MAPT: variants seen among roughly 807,000 people sequenced by gnomAD.
The protein encoded by MAPT is microtubule-associated protein tau.
In MAPT, 34 loss-of-function variants were observed where a neutral mutation model predicts 67.9. That is an observed-to-expected ratio of 0.50 (90% CI 0.38 to 0.67). The LOEUF (loss-of-function observed/expected upper bound fraction) is 0.67. Ranked by LOEUF, MAPT falls within the 30% of genes least tolerant of loss-of-function variation. The probability of loss-of-function intolerance (pLI) is 0.00; values close to 1 mark genes in which losing one functional copy is unlikely to be tolerated. For synonymous variants in MAPT, 456 were observed against 464.5 expected (o/e 0.98, Z 0.23); for missense variants, 881 against 1,115.2 (o/e 0.79, Z 2.99).
intron 3 of MAPT, chr17:45,972,741 C>A (rs947266694): frequency 1.9e-5 from 3 of 154,572 alleles, no homozygotes; most frequent in Non-Finnish European, 4.3e-5. Context: ...GGCATCACAT[C>A]TGCCTTTGAA....
At chr17:45,965,425 G>A (rs374736837) in intron 2 of MAPT, among the ~76,000 whole-genome samples, 5 of 149,462 alleles carry the variant, frequency 3.3e-5, no homozygotes, top group African/African-American at 9.8e-5. Flanking sequence ...GTGAGACTCC[G>A]TCCTAAAAAA....
Position 45,930,074 on chromosome 17 carries a change from C to G in MAPT, c.-17-32247C>G, listed in dbSNP as rs1480207123. 2.6e-5 allele frequency among the ~76,000 whole-genome samples: 4 copies of G among 152,182 alleles called. No homozygotes were observed. In the East Asian group the frequency reaches 7.7e-4, roughly 29 times the overall value. On this transcript the variant is annotated intron_variant, in intron 1 of 12. Transcript: ENST00000262410. The stretch of plus-strand genomic sequence containing the variant: ...GCATAAGCCCCACCATGCTTTGGCT[C>G]TGTCCCTATAGAATATTTTATGTTG...
At chr17:45,961,677 G>A (rs62063282) in intron 1 of MAPT, among the ~76,000 whole-genome samples, 21,759 of 152,088 alleles carry the variant, frequency 0.14, 2,127 homozygotes, top group Non-Finnish European at 0.22. Context: ...GCAAACTGCT[G>A]GGCAGCAGCA....
At chr17:45,970,047 C>CCCATCCATCCATCCATCCAT (rs369221637) in intron 2 of MAPT, among the ~76,000 whole-genome samples, 1 of 145,614 alleles carries the variant, frequency 6.9e-6, no homozygotes, top group South Asian at 2.2e-4. Context: ...CATCTATCCA[C>CCCATCCATCCATCCATCCAT]CCATCCATCC....
intron 3 of MAPT, chr17:45,972,184 G>T (rs17651093): frequency 3.0e-6 from 2 of 673,810 alleles, no homozygotes; most frequent in East Asian, 2.9e-5. Flanking sequence ...GGACAGTCCC[G>T]CGCACAGCTC....
At chr17:45,980,954 G>A (rs1358367857) in intron 4 of MAPT, among the ~76,000 whole-genome samples, 1 of 152,220 alleles carries the variant, frequency 6.6e-6, no homozygotes, top group Non-Finnish European at 1.5e-5. Flanking sequence ...CAGTTGATCT[G>A]TGCAGGATCC....
rs750192173 is a variant in MAPT at position 45,983,473 on chromosome 17, C to T, written c.894C>T (p.Asp298=). The change falls in exon 5 of 13, where the codon GAC becomes GAT. Residue 298 remains aspartate, a synonymous_variant. Coordinates refer to ENST00000262410, the MANE Select transcript of MAPT (RefSeq NM_001377265.1). ...AGGAGGAGGTGGATGAAGACCGCGACGTCGATGAGTCCTCCCCCCAAGACT... is the reference window on the plus strand; with the variant it reads ...AGGAGGAGGTGGATGAAGACCGCGATGTCGATGAGTCCTCCCCCCAAGACT... The part of the protein sequence containing the change: ...GSKEEVDEDR[D]VDESSPQDSP... The T allele has an allele frequency of 1.5e-5, 24 of 1,608,564 alleles. No individual in the cohort carries two copies. The highest frequency in any genetic ancestry group is 6.7e-5 in the African/African-American group (5 of 74,812).
chr17:45,927,343 A>C (rs995055542), intron 1 of MAPT, among the ~76,000 whole-genome samples: 1 of 152,160 alleles, frequency 6.6e-6, no homozygotes, highest in Non-Finnish European at 1.5e-5. Flanking sequence ...AGCAGAAGTC[A>C]AGACTCCCAG....
intron 8 of MAPT, among the ~76,000 whole-genome samples, chr17:45,992,808 T>C (rs887364568): frequency 3.3e-5 from 5 of 151,558 alleles, no homozygotes; most frequent in Non-Finnish European, 5.9e-5. Flanking sequence ...GGAGAATCAC[T>C]TGAACCCAGG....
intron 1 of MAPT, among the ~76,000 whole-genome samples, chr17:45,918,837 C>T (rs990034564): frequency 3.3e-5 from 5 of 152,118 alleles, no homozygotes; most frequent in Non-Finnish European, 5.9e-5. Context: ...GCCGGCGGAT[C>T]ACTTGAGGTC....
chr17:45,990,004 T>G lies in MAPT; in HGVS notation c.1534T>G (p.Ser512Ala). The change falls in exon 7 of 13, where the codon TCC becomes GCC. Residue 512 changes from serine (S) to alanine (A), a missense_variant. By Grantham distance (99) the Ser-to-Ala change is moderately conservative. Coordinates refer to ENST00000262410, the MANE Select transcript of MAPT (RefSeq NM_001377265.1). Reference sequence around the variant, plus strand: ...CCCTGCTGTGTGCCCAGAGCCACCTTCCTCTCCTAAATACGTCTCTTCTGT... The same window carrying G: ...CCCTGCTGTGTGCCCAGAGCCACCTGCCTCTCCTAAATACGTCTCTTCTGT... ...SSPAVCPEPP[S>A]SPKYVSSVTS... The G allele has an allele frequency of 6.2e-7, 1 of 1,614,152 alleles. No individual in the cohort carries two copies. The highest frequency in any genetic ancestry group is 1.3e-5 in the African/African-American group (1 of 75,044).
chr17:45,982,555 T>C (rs542993738), intron 4 of MAPT, among the ~76,000 whole-genome samples: 1 of 152,070 alleles, frequency 6.6e-6, no homozygotes, highest in South Asian at 2.1e-4. Flanking sequence ...GAGCCCATCA[T>C]AGGCAGAGGA....
At chr17:45,904,327 T>C (rs1410843567) in intron 1 of MAPT, among the ~76,000 whole-genome samples, 6 of 73,754 alleles carry the variant, frequency 8.1e-5, no homozygotes, top group African/African-American at 3.1e-4. Flanking sequence ...ATATAATATA[T>C]ATTATATATT....
intron 1 of MAPT, among the ~76,000 whole-genome samples, chr17:45,909,016 A>G (rs1227747475): frequency 6.6e-6 from 1 of 152,214 alleles, no homozygotes; most frequent in Admixed American, 6.5e-5. Context: ...AGACAGTATC[A>G]TCAGTCCTGG....
intron 1 of MAPT, among the ~76,000 whole-genome samples, chr17:45,913,103 G>A (rs555437124): frequency 1.3e-5 from 2 of 152,332 alleles, no homozygotes; most frequent in African/African-American, 4.8e-5. Context: ...TGCTGATAAA[G>A]ACATACCCGA....
Position 46,024,863 on chromosome 17 carries a change from G to C in MAPT, c.*692G>C, listed in dbSNP as rs1314143792. 1 of 158,306 alleles carries C rather than the reference G, an allele frequency of 6.3e-6. No homozygotes were observed. Among genetic ancestry groups the C allele is most frequent in the Non-Finnish European group, 1.4e-5 (1 of 71,630 alleles). 9.8% of individuals were successfully genotyped at this position (158,306 alleles called of 1,614,324 possible). Reference sequence around the variant, plus strand: ...AGCGTCTGAGCGGCCGCCTGTCCTTGGTGGCCGGGGGTGGGGGCCTGCTGT... The same window carrying C: ...AGCGTCTGAGCGGCCGCCTGTCCTTCGTGGCCGGGGGTGGGGGCCTGCTGT... On this transcript the variant is annotated 3_prime_UTR_variant, in exon 13 of 13. Transcript: ENST00000262410.
In MAPT at chr17:46,025,163, T is replaced by G. The variant is rs2076752506; in HGVS notation, c.*992T>G. ...TTGGCCACTTTGCAGACCTGGGACTTTAGGGCTAACCAGTTCTCTTTGTAA... is the reference window on the plus strand; with the variant it reads ...TTGGCCACTTTGCAGACCTGGGACTGTAGGGCTAACCAGTTCTCTTTGTAA... On this transcript the variant is annotated 3_prime_UTR_variant, in exon 13 of 13. Coordinates refer to ENST00000262410, the MANE Select transcript of MAPT (RefSeq NM_001377265.1). 2 of 152,756 alleles carry G rather than the reference T, an allele frequency of 1.3e-5. No individual in the cohort carries two copies. The allele number at this position is 152,756 out of a possible 1,614,324, so 9.5% of individuals were successfully genotyped here.
intron 1 of MAPT, among the ~76,000 whole-genome samples, chr17:45,901,847 G>A (rs1484959565): frequency 4.0e-5 from 6 of 151,038 alleles, no homozygotes; most frequent in East Asian, 1.9e-4. Flanking sequence ...TGGGTCCTCC[G>A]ATTTCAGTTT....
intron 1 of MAPT, among the ~76,000 whole-genome samples, chr17:45,955,940 T>G (rs933125098): frequency 6.6e-6 from 1 of 152,186 alleles, no homozygotes; most frequent in Non-Finnish European, 1.5e-5. Context: ...TTCCCTATGT[T>G]GGCCAGGCTG....
Sources: gnomAD v4.1 joint callset for allele counts (sites outside exome capture counted in the v4.1 genomes callset) on GRCh38, gnomAD v4.1.1 for gene constraint, MANE v1.5 for transcripts, NCBI Gene and HGNC (gene_info 2026-07-23, HGNC 2026-07-21) for gene names.